The following DIAPH2 variants were observed in gnomAD, a reference collection of about 807,000 sequenced individuals.
DIAPH2 encodes the protein diaphanous related formin 2, also known as protein diaphanous homolog 2.
In DIAPH2, 35 loss-of-function variants were observed where a neutral mutation model predicts 92.7. The ratio of observed to expected loss-of-function variants is 0.38; its 90% CI spans 0.29 to 0.50. The LOEUF (loss-of-function observed/expected upper bound fraction) is 0.50. DIAPH2 is among the 20% of genes least tolerant of loss of function. The probability of loss-of-function intolerance (pLI) is 0.94; values close to 1 mark genes in which losing one functional copy is unlikely to be tolerated. For missense variants in DIAPH2, 701 were observed against 819.5 expected, an observed-to-expected ratio of 0.86 and a Z score of 1.77; for synonymous variants, 301 against 280.4, an observed-to-expected ratio of 1.07 and a Z score of -0.73.
intron 19 of DIAPH2, among the ~76,000 whole-genome samples, chrX:97,099,425 T>C (rs190582272): frequency 8.9e-6 from 1 of 111,876 alleles, no homozygotes; most frequent in Admixed American, 9.5e-5. Context: ...GGTTTTGGAA[T>C]ACGATTTATT....
chrX:96,827,435 A>G (rs1274250463), intron 4 of DIAPH2, among the ~76,000 whole-genome samples: 11 of 112,059 alleles, frequency 9.8e-5, no homozygotes, highest in African/African-American at 3.6e-4. Context: ...TGTCTATTAT[A>G]TAGCTATTAA....
chrX:97,588,996 A>AATAT (rs199558439), intron 26 of DIAPH2, among the ~76,000 whole-genome samples: 1,292 of 31,672 alleles, frequency 0.041, 81 homozygotes, highest in African/African-American at 0.091. Context: ...ATATTATAGA[A>AATAT]ATATATATAT....
At chrX:97,290,162 A>C (rs935259909) in intron 23 of DIAPH2, among the ~76,000 whole-genome samples, 1 of 109,569 alleles carries the variant, frequency 9.1e-6, no homozygotes, top group Non-Finnish European at 1.9e-5. Context: ...CTAAAATGCC[A>C]TTGGAAAATG....
At chrX:97,198,350 A>G (rs2067721128) in intron 22 of DIAPH2, among the ~76,000 whole-genome samples, 2 of 109,187 alleles carry the variant, frequency 1.8e-5, no homozygotes, top group Admixed American at 9.9e-5. Context: ...GTGTATATAT[A>G]TATTAATATA....
chrX:97,206,840 G>A (rs187165013), intron 22 of DIAPH2, among the ~76,000 whole-genome samples: 13 of 111,599 alleles, frequency 1.2e-4, no homozygotes, highest in Admixed American at 3.8e-4. Context: ...ACACTCAGGC[G>A]TATATACTTG....
At chrX:97,256,916 G>A (rs1307540719) in intron 23 of DIAPH2, among the ~76,000 whole-genome samples, 5 of 109,861 alleles carry the variant, frequency 4.6e-5, no homozygotes, top group Non-Finnish European at 9.5e-5. Flanking sequence ...GCCTGCCTCA[G>A]CCTCCCAAAG....
intron 26 of DIAPH2, among the ~76,000 whole-genome samples, chrX:97,510,132 A>G (rs1188017423): frequency 9.1e-6 from 1 of 109,606 alleles, no homozygotes; most frequent in Non-Finnish European, 1.9e-5. Context: ...CCAACAGTGT[A>G]AAAGTGTTCC....
chrX:97,336,247 T>TC (rs11443454), intron 23 of DIAPH2, among the ~76,000 whole-genome samples: 1,191 of 99,965 alleles, frequency 0.012, 19 homozygotes, highest in African/African-American at 0.042. Flanking sequence ...TCTTTTCTTT[T>TC]TTTTTTTTTT....
At chrX:97,333,798 C>T (rs1309096419) in intron 23 of DIAPH2, among the ~76,000 whole-genome samples, 1 of 110,443 alleles carries the variant, frequency 9.1e-6, no homozygotes, top group Non-Finnish European at 1.9e-5. Flanking sequence ...CTCCTGACCT[C>T]AGGTGATCCG....
chrX:96,797,570 T>G (rs6620166), intron 4 of DIAPH2, among the ~76,000 whole-genome samples: 2 of 112,229 alleles, frequency 1.8e-5, no homozygotes, highest in East Asian at 5.6e-4. Context: ...CCCAGGAAAC[T>G]TTCAATCATG....
chrX:97,411,678 C>T (rs2069875431), intron 25 of DIAPH2, among the ~76,000 whole-genome samples: 1 of 111,854 alleles, frequency 8.9e-6, no homozygotes, highest in African/African-American at 3.2e-5. Flanking sequence ...CAGAGACACA[C>T]ATAGGCTCAA....
At chrX:97,320,714 CAAAAA>C (rs146316009) in intron 23 of DIAPH2, among the ~76,000 whole-genome samples, 1 of 40,160 alleles carries the variant, frequency 2.5e-5, no homozygotes, top group Non-Finnish European at 4.8e-5. Context: ...GACTCCGTCT[CAAAAA>C]AAAAAAAAAA....
At chrX:97,000,809 G>A (rs2066138807) in intron 17 of DIAPH2, among the ~76,000 whole-genome samples, 1 of 111,618 alleles carries the variant, frequency 9.0e-6, no homozygotes, top group African/African-American at 3.3e-5. Flanking sequence ...CAAATTCAAT[G>A]TTCAGTGTGT....
chrX:97,591,926 T>TAATC (rs1393797330), intron 26 of DIAPH2, among the ~76,000 whole-genome samples: 25 of 112,118 alleles, frequency 2.2e-4, no homozygotes, highest in Non-Finnish European at 3.8e-5. Flanking sequence ...AGTCCAAAGA[T>TAATC]AATCAATGGC....
intron 26 of DIAPH2, among the ~76,000 whole-genome samples, chrX:97,566,796 G>A (rs1437824067): frequency 9.0e-6 from 1 of 111,290 alleles, no homozygotes; most frequent in Non-Finnish European, 1.9e-5. Context: ...AGAGAAACAG[G>A]TACAATTTCA....
At chrX:96,815,333 C>T (rs2064723977) in intron 4 of DIAPH2, among the ~76,000 whole-genome samples, 2 of 111,970 alleles carry the variant, frequency 1.8e-5, no homozygotes, top group Admixed American at 1.9e-4. Flanking sequence ...CCCACCGAGC[C>T]AGGCGCGGGA....
chrX:97,567,242 G>T (rs865870503), intron 26 of DIAPH2, among the ~76,000 whole-genome samples: 4 of 109,701 alleles, frequency 3.6e-5, no homozygotes, highest in African/African-American at 9.8e-5. Flanking sequence ...AATGAGAAAA[G>T]AATAAATCTT....
chrX:97,433,205 T>A (rs1397605625), intron 26 of DIAPH2, among the ~76,000 whole-genome samples: 2 of 109,681 alleles, frequency 1.8e-5, no homozygotes, highest in Admixed American at 9.8e-5. Flanking sequence ...ATTGAAAATA[T>A]TTTTTTTTAA....
chrX:97,487,985 ATTTTG>A (rs2070700763), intron 26 of DIAPH2, among the ~76,000 whole-genome samples: 1 of 110,130 alleles, frequency 9.1e-6, no homozygotes, highest in Non-Finnish European at 1.9e-5. Flanking sequence ...TTTGTTTTTT[ATTTTG>A]TTTTGTTTCA....
Sources: gnomAD v4.1 joint callset for allele counts (sites outside exome capture counted in the v4.1 genomes callset) on GRCh38, gnomAD v4.1.1 for gene constraint, MANE v1.5 for transcripts, NCBI Gene and HGNC (gene_info 2026-07-23, HGNC 2026-07-21) for gene names.